The following ANO6 variants were observed in gnomAD, a reference collection of about 807,000 sequenced individuals.
ANO6 encodes anoctamin-6.
ANO6 carries 106 observed loss-of-function variants against 117.5 expected under a neutral mutation model. That is an observed-to-expected ratio of 0.90 (90% confidence interval 0.77 to 1.06). The LOEUF (loss-of-function observed/expected upper bound fraction) is 1.06, where lower values mean the gene tolerates loss of function less well. Ranked by LOEUF, ANO6 falls within the 50% of genes least tolerant of loss-of-function variation. The pLI, the probability that ANO6 is intolerant of heterozygous loss-of-function variation, is 0.00. For missense variants in ANO6, 955 were observed against 1,121.1 expected (o/e 0.85, Z 2.12); for synonymous variants, 367 against 385.1 (o/e 0.95, Z 0.55).
At chr12:45,226,698 C>T (rs2137129812) in intron 1 of ANO6, among the ~76,000 whole-genome samples, 1 of 152,122 alleles carries the variant, frequency 6.6e-6, no homozygotes. Flanking sequence ...CTAAAGTTTT[C>T]TTGTGGTGTC....
intron 3 of ANO6, among the ~76,000 whole-genome samples, chr12:45,342,762 TAA>T (rs778666571): frequency 6.6e-6 from 1 of 152,198 alleles, no homozygotes; most frequent in Non-Finnish European, 1.5e-5. Flanking sequence ...ATATCAAGAT[TAA>T]AAGACACCAC....
chr12:45,271,296 T>G (rs1938388321), intron 1 of ANO6, among the ~76,000 whole-genome samples: 1 of 152,218 alleles, frequency 6.6e-6, no homozygotes, highest in Non-Finnish European at 1.5e-5. Context: ...AAAAGTTGTC[T>G]GAAGTAAATG....
At chr12:45,265,576 T>C (rs546035726) in intron 1 of ANO6, among the ~76,000 whole-genome samples, 15 of 152,328 alleles carry the variant, frequency 9.8e-5, no homozygotes, top group Non-Finnish European at 2.1e-4. Flanking sequence ...AGAGGTAGTA[T>C]GATGCCTATT....
intron 3 of ANO6, among the ~76,000 whole-genome samples, chr12:45,339,093 A>G (rs1940906980): frequency 6.6e-6 from 1 of 152,130 alleles, no homozygotes; most frequent in Admixed American, 6.6e-5. Flanking sequence ...TCTCTCATAA[A>G]ACAGGCTTGA....
At chr12:45,402,786 A>G (rs886368416) in intron 13 of ANO6, among the ~76,000 whole-genome samples, 8 of 152,360 alleles carry the variant, frequency 5.3e-5, no homozygotes, top group East Asian at 1.9e-4. Flanking sequence ...TTCTTATTTG[A>G]TAACACTGGA....
chr12:45,285,285 A>G (rs1361905936), intron 1 of ANO6, among the ~76,000 whole-genome samples: 6 of 152,202 alleles, frequency 3.9e-5, no homozygotes, highest in Admixed American at 3.9e-4. Flanking sequence ...GAGTAGTAGG[A>G]AGTAGTTACC....
intron 1 of ANO6, among the ~76,000 whole-genome samples, chr12:45,240,798 C>T (rs1212176652): frequency 1.3e-5 from 2 of 152,170 alleles, no homozygotes; most frequent in South Asian, 2.1e-4. Flanking sequence ...TTTATTTCTC[C>T]TTCACTTATG....
intron 10 of ANO6, among the ~76,000 whole-genome samples, chr12:45,381,766 G>C (rs537606559): frequency 1.3e-5 from 2 of 152,246 alleles, no homozygotes; most frequent in East Asian, 3.9e-4. Flanking sequence ...GTAAACAGAA[G>C]CATTTTACCC....
intron 8 of ANO6, among the ~76,000 whole-genome samples, chr12:45,367,269 A>T (rs1941710054): frequency 6.6e-6 from 1 of 152,238 alleles, no homozygotes; most frequent in Non-Finnish European, 1.5e-5. Context: ...GGCATGAGCC[A>T]CTGCACCTGG....
intron 1 of ANO6, among the ~76,000 whole-genome samples, chr12:45,257,968 T>A (rs1418268346): frequency 6.6e-6 from 1 of 152,212 alleles, no homozygotes. Context: ...TCACAATGCT[T>A]ATCAAATTCC....
rs192738195 is a variant in ANO6, at chr12:45,351,841, A to G, written c.863+1067A>G. ...TTAATTGCAGTGAGAAGCAGTTGTA[A>G]TATTTTAAATGTTTAAGTCATTGTA... On this transcript the variant is annotated intron_variant, in intron 7 of 19. Transcript: ENST00000320560. Among the ~76,000 whole-genome samples the G allele has an allele frequency of 3.3e-5, 5 of 150,918 alleles. No individual in the cohort carries two copies. In the East Asian group the frequency reaches 9.9e-4, roughly 30 times the overall value.
At chr12:45,385,322 G>T (rs913865614) in intron 10 of ANO6, among the ~76,000 whole-genome samples, 3 of 152,182 alleles carry the variant, frequency 2.0e-5, no homozygotes, top group African/African-American at 7.2e-5. Flanking sequence ...CCGCTGGAAT[G>T]ATTGCATAAT....
At chr12:45,233,889 G>T (rs1005929295) in intron 1 of ANO6, among the ~76,000 whole-genome samples, 2 of 152,074 alleles carry the variant, frequency 1.3e-5, no homozygotes, top group East Asian at 3.8e-4. Flanking sequence ...TTTGTGCCTG[G>T]CTTCACTTAG....
At chr12:45,270,062 A>C (rs1008164620) in intron 1 of ANO6, among the ~76,000 whole-genome samples, 12 of 152,186 alleles carry the variant, frequency 7.9e-5, no homozygotes, top group African/African-American at 2.7e-4. Flanking sequence ...GTTATTGTGC[A>C]CCAGGGGTAG....
intron 1 of ANO6, among the ~76,000 whole-genome samples, chr12:45,294,554 A>G (rs1358365425): frequency 6.6e-6 from 1 of 152,194 alleles, no homozygotes; most frequent in Non-Finnish European, 1.5e-5. Context: ...AAAACTATCA[A>G]TTTGAATTTG....
At position 45,273,693 on chromosome 12, in the gene ANO6, T is replaced by C. The variant is rs148500898; in HGVS notation, c.71-28321T>C. 7.3e-3 allele frequency among the ~76,000 whole-genome samples: 1,109 copies of C among 152,336 alleles called. 7 individuals are homozygous for C. The highest frequency in any genetic ancestry group is 0.023 in the African/African-American group (959 of 41,572). On this transcript the variant is annotated intron_variant, in intron 1 of 19. Transcript: ENST00000320560. ...CAAATTGGGTTCTTTGCTGTGAGCC[T>C]TGGTCTGCTTCCTATTTACGCCTCC...
At chr12:45,236,075 G>A (rs555508280) in intron 1 of ANO6, among the ~76,000 whole-genome samples, 1 of 152,196 alleles carries the variant, frequency 6.6e-6, no homozygotes, top group Non-Finnish European at 1.5e-5. Flanking sequence ...TGCATGCATA[G>A]GCAAAATAGC....
chr12:45,311,579 TG>T (rs1468164562), intron 2 of ANO6, among the ~76,000 whole-genome samples: 3 of 152,118 alleles, frequency 2.0e-5, no homozygotes, highest in Admixed American at 1.3e-4. Context: ...TTTAAATATT[TG>T]TCAAGAGTAA....
Position 45,218,507 on chromosome 12 carries a change from A to C in ANO6, c.70+2116A>C, listed in dbSNP as rs369571834. ...CCTACGGGGCTCAAGCGATCCTCCC[A>C]CTTAAGCCTCCCAAGTAGCTGGGAC... is the stretch of plus-strand genomic sequence containing the variant. On this transcript the variant is annotated intron_variant, in intron 1 of 19. Coordinates refer to ENST00000320560, the MANE Select transcript of ANO6 (RefSeq NM_001025356.3). 6.2e-5 allele frequency among the ~76,000 whole-genome samples: 9 copies of C among 145,642 alleles called. No homozygotes were observed. In the East Asian group the frequency reaches 1.8e-3, roughly 29 times the overall value.
Sources: gnomAD v4.1 joint callset for allele counts (sites outside exome capture counted in the v4.1 genomes callset) on GRCh38, gnomAD v4.1.1 for gene constraint, MANE v1.5 for transcripts, NCBI Gene and HGNC (gene_info 2026-07-23, HGNC 2026-07-21) for gene names.